Variants in FILIP1L observed in about 807,000 individuals in gnomAD.
FILIP1L encodes the protein filamin A interacting protein 1 like.
Under a neutral mutation model 96.6 loss-of-function variants are expected in FILIP1L, and 55 were observed. The observed-to-expected ratio is 0.57, with a 90% CI of 0.46 to 0.71. The LOEUF (loss-of-function observed/expected upper bound fraction) is 0.71. Among genes scored for constraint, FILIP1L ranks in the 30% least tolerant of loss-of-function variants. The pLI is 0.00. For missense variants in FILIP1L, 1,304 were observed against 1,321.2 expected (o/e 0.99, Z 0.20); for synonymous variants, 467 against 473.9 (o/e 0.99, Z 0.19).
intron 1 of FILIP1L, among the ~76,000 whole-genome samples, chr3:100,113,021 A>G (rs941268900): frequency 7.9e-5 from 12 of 152,190 alleles, no homozygotes; most frequent in African/African-American, 2.7e-4. Context: ...TAACTACACC[A>G]TGTTCTCCTT....
chr3:99,883,536 T>C (rs56223679), intron 4 of FILIP1L, among the ~76,000 whole-genome samples: 19,478 of 152,084 alleles, frequency 0.13, 1,834 homozygotes, highest in African/African-American at 0.26. Flanking sequence ...TGGGGGGTGT[T>C]GTATAAACAG....
At chr3:99,927,612 G>C (rs1029844927) in intron 3 of FILIP1L, among the ~76,000 whole-genome samples, 5 of 151,978 alleles carry the variant, frequency 3.3e-5, no homozygotes, top group Admixed American at 6.5e-5. Flanking sequence ...CAGGTGATCT[G>C]CCTGCCTCGG....
chr3:99,942,765 G>C (rs1233671151), intron 1 of FILIP1L, among the ~76,000 whole-genome samples: 3 of 151,964 alleles, frequency 2.0e-5, no homozygotes, highest in Non-Finnish European at 4.4e-5. Context: ...GGAGACAGAG[G>C]TTGCAGTGAG....
chr3:99,961,946 C>G (rs1708504949), intron 1 of FILIP1L, among the ~76,000 whole-genome samples: 1 of 152,208 alleles, frequency 6.6e-6, no homozygotes, highest in Non-Finnish European at 1.5e-5. Flanking sequence ...CCTTCAGGAA[C>G]TTCTGATCTA....
chr3:99,932,145 A>T (rs1707501790), intron 1 of FILIP1L, among the ~76,000 whole-genome samples: 2 of 152,194 alleles, frequency 1.3e-5, no homozygotes, highest in African/African-American at 4.8e-5. Flanking sequence ...TTATAGATGT[A>T]TTATAATGTA....
At chr3:99,906,839 A>G (rs529802199) in intron 4 of FILIP1L, among the ~76,000 whole-genome samples, 1 of 152,256 alleles carries the variant, frequency 6.6e-6, no homozygotes, top group South Asian at 2.1e-4. Flanking sequence ...CTTTTCATGT[A>G]TTTTGCCATT....
chr3:99,915,438 G>C (rs1431327800), intron 4 of FILIP1L, among the ~76,000 whole-genome samples: 1 of 152,126 alleles, frequency 6.6e-6, no homozygotes, highest in East Asian at 1.9e-4. Context: ...GATGCAATTA[G>C]TGTGAGGATT....
In FILIP1L at chr3:99,849,526, CTT is replaced by C; in HGVS notation, c.2148_2149del (p.Glu718SerfsTer10). 1 of 1,613,406 alleles carries C rather than the reference CTT, an allele frequency of 6.2e-7. No homozygotes were observed. Among genetic ancestry groups the C allele is most frequent in the Non-Finnish European group, 8.5e-7 (1 of 1,179,896 alleles). On this transcript the variant is annotated frameshift_variant, in exon 5 of 6. Transcript: ENST00000477258. LOFTEE classifies it high-confidence loss of function. ...TTTCTCTTTTAATGCATCCACTTCT[CTT>C]GAGAGGTGCCCTGACTTAGCTTCTT...
At position 99,850,800 on chromosome 3, in the gene FILIP1L, C is replaced by A; in HGVS notation, c.876G>T (p.Glu292Asp). Residue 292 changes from glutamate to aspartate, a missense_variant, in exon 5 of 6, where the codon GAG (glutamate) becomes GAT (aspartate). Glu to Asp is a conservative substitution (Grantham distance 45). Transcript: ENST00000477258. Reference protein sequence around the residue: ...QEEEQKATRLEKELQTQTTKF... With the variant: ...QEEEQKATRLDKELQTQTTKF... ...TTGTGGTCTGCGTTTGCAGTTCCTT[C>A]TCTAGTCTGGTTGCCTTCTGCTCTT... 1 of 1,614,188 alleles carries A rather than the reference C, an allele frequency of 6.2e-7. No homozygotes were observed. The highest frequency in any genetic ancestry group is 1.6e-4 in the Middle Eastern group (1 of 6,062).
intron 1 of FILIP1L, among the ~76,000 whole-genome samples, chr3:99,973,121 C>A (rs909064868): frequency 1.3e-5 from 2 of 152,082 alleles, no homozygotes; most frequent in Non-Finnish European, 2.9e-5. Context: ...AATGAGGCCA[C>A]CTGAATAATA....
At chr3:99,999,684 T>G (rs1017134341) in intron 1 of FILIP1L, among the ~76,000 whole-genome samples, 1 of 152,184 alleles carries the variant, frequency 6.6e-6, no homozygotes, top group African/African-American at 2.4e-5. Context: ...GATGGTTCAT[T>G]GCTTTATGAT....
At chr3:99,861,729 A>G (rs1944266532) in intron 4 of FILIP1L, among the ~76,000 whole-genome samples, 1 of 152,064 alleles carries the variant, frequency 6.6e-6, no homozygotes, top group Admixed American at 6.6e-5. Context: ...CAGCATGTAC[A>G]CTCTCTAGTA....
At chr3:100,073,835 T>G (rs1270385198) in intron 1 of FILIP1L, among the ~76,000 whole-genome samples, 1 of 152,216 alleles carries the variant, frequency 6.6e-6, no homozygotes, top group Non-Finnish European at 1.5e-5. Flanking sequence ...CCACTCACTC[T>G]TTTTAAGCTT....
At chr3:99,842,646 G>A (rs1943189949) in intron 5 of FILIP1L, among the ~76,000 whole-genome samples, 1 of 152,040 alleles carries the variant, frequency 6.6e-6, no homozygotes, top group Non-Finnish European at 1.5e-5. Flanking sequence ...AATAAGATAA[G>A]TTTTATTTCT....
intron 1 of FILIP1L, among the ~76,000 whole-genome samples, chr3:100,053,999 C>G (rs771441709): frequency 1.3e-5 from 2 of 152,206 alleles, no homozygotes; most frequent in Non-Finnish European, 2.9e-5. Context: ...TCTGGACATT[C>G]GGCTTACTTA....
chr3:100,101,201 T>C (rs1275327381), intron 1 of FILIP1L, among the ~76,000 whole-genome samples: 2 of 152,136 alleles, frequency 1.3e-5, no homozygotes, highest in Non-Finnish European at 2.9e-5. Flanking sequence ...ATACTAAGAC[T>C]GAGAAAGAAT....
intron 1 of FILIP1L, among the ~76,000 whole-genome samples, chr3:100,094,445 CTT>C (rs1346642310): frequency 2.6e-5 from 4 of 152,036 alleles, no homozygotes; most frequent in Non-Finnish European, 4.4e-5. Flanking sequence ...TACAGTGTAA[CTT>C]ATCAATTTTT....
At chr3:99,854,732 T>C (rs1323435924) in intron 4 of FILIP1L, among the ~76,000 whole-genome samples, 1 of 152,178 alleles carries the variant, frequency 6.6e-6, no homozygotes, top group African/African-American at 2.4e-5. Flanking sequence ...TGCATGTGTA[T>C]GTTTGTGGCA....
chr3:100,112,396 T>C (rs140226569), intron 1 of FILIP1L, among the ~76,000 whole-genome samples: 137 of 152,310 alleles, frequency 9.0e-4, no homozygotes, highest in African/African-American at 3.1e-3. Flanking sequence ...GGCAGTCTCC[T>C]ACAATAGCAC....
Sources: gnomAD v4.1 joint callset for allele counts (sites outside exome capture counted in the v4.1 genomes callset) on GRCh38, gnomAD v4.1.1 for gene constraint, MANE v1.5 for transcripts, NCBI Gene and HGNC (gene_info 2026-07-23, HGNC 2026-07-21) for gene names.